ELK3: variants seen among roughly 807,000 people sequenced by gnomAD.
ELK3 encodes the protein ETS transcription factor ELK3.
In ELK3, 10 loss-of-function variants were observed where a neutral mutation model predicts 28.9. The observed-to-expected ratio is 0.35, with a 90% CI of 0.21 to 0.59. ELK3 has a LOEUF of 0.59. Among genes scored for constraint, ELK3 ranks in the 20% least tolerant of loss-of-function variants. The pLI, the probability that ELK3 is intolerant of heterozygous loss-of-function variation, is 0.82. For missense variants in ELK3, 463 were observed against 517.3 expected (o/e 0.90, Z 1.02); for synonymous variants, 272 against 243.5 (o/e 1.12, Z -1.09).
intron 1 of ELK3, among the ~76,000 whole-genome samples, chr12:96,220,103 T>G (rs1444324639): frequency 1.3e-5 from 2 of 152,210 alleles, no homozygotes; most frequent in Non-Finnish European, 2.9e-5. Flanking sequence ...TTTCTGTGAT[T>G]CCTAGTGAAC....
intron 3 of ELK3, among the ~76,000 whole-genome samples, chr12:96,249,803 G>A (rs779045231): frequency 2.0e-4 from 31 of 152,338 alleles, no homozygotes; most frequent in African/African-American, 6.7e-4. Context: ...GGCTGAGGGC[G>A]TGAGAGAAGG....
intron 1 of ELK3, among the ~76,000 whole-genome samples, chr12:96,218,103 A>G (rs997613598): frequency 1.3e-5 from 2 of 152,124 alleles, no homozygotes; most frequent in Non-Finnish European, 2.9e-5. Context: ...ACAAAGGGAA[A>G]GGAGTTGGGG....
chr12:96,244,114 A>T (rs1200142544), intron 2 of ELK3, among the ~76,000 whole-genome samples: 4 of 152,052 alleles, frequency 2.6e-5, no homozygotes, highest in Non-Finnish European at 5.9e-5. Context: ...TTCTTACTAT[A>T]GTCTAGTAAT....
chr12:96,258,070 A>G (rs1565792536), intron 3 of ELK3, among the ~76,000 whole-genome samples: 1 of 152,128 alleles, frequency 6.6e-6, no homozygotes, highest in East Asian at 1.9e-4. Flanking sequence ...GGGCATTTTT[A>G]TTCTCCCCAT....
At chr12:96,194,747 AGTTT>A (rs1338287564) in intron 1 of ELK3, 42 bp downstream of exon 1, 6 of 140,942 alleles carry the variant, frequency 4.3e-5, no homozygotes, top group Admixed American at 7.2e-5. Context: ...ACACTTAAAA[AGTTT>A]GTTTGGGGGT....
In ELK3 at chr12:96,246,970, T is replaced by C; in HGVS notation, c.238T>C (p.Phe80Leu). 6.2e-7 allele frequency: 1 copy of C among 1,605,162 alleles called. No homozygotes were observed. The highest frequency in any genetic ancestry group is 8.5e-7 in the Non-Finnish European group (1 of 1,175,126). The change falls in exon 3 of 5, where the codon TTT becomes CTT. Residue 80 changes from phenylalanine to leucine, a missense_variant. Phe to Leu is a conservative substitution (Grantham distance 22). Around this residue, in one of 2 missense-constraint regions of ELK3, gnomAD observed 55 missense variants for 102.5 expected, o/e 0.54. Coordinates refer to ENST00000228741, the MANE Select transcript of ELK3 (RefSeq NM_005230.4). ...NIIKKVIGQKFVYKFVSFPEI... is the reference protein window; with the variant it reads ...NIIKKVIGQKLVYKFVSFPEI... ...CATCAAGAAGGTGATCGGGCAGAAG[T>C]TTGTGTACAAGTTTGTCTCTTTCCC...
intron 2 of ELK3, among the ~76,000 whole-genome samples, chr12:96,240,108 A>G (rs1045501286): frequency 8.5e-5 from 13 of 152,120 alleles, no homozygotes; most frequent in African/African-American, 3.1e-4. Context: ...CCTTGTATCT[A>G]TTTCTTGTCT....
At chr12:96,212,250 C>T (rs934442322) in intron 1 of ELK3, among the ~76,000 whole-genome samples, 68 of 152,118 alleles carry the variant, frequency 4.5e-4, no homozygotes, top group Admixed American at 3.7e-3. Flanking sequence ...AACTGCGGGA[C>T]GTGCTTCAAG....
chr12:96,258,561 T>G (rs2137041454), intron 3 of ELK3, among the ~76,000 whole-genome samples: 1 of 152,336 alleles, frequency 6.6e-6, no homozygotes, highest in Middle Eastern at 3.4e-3. Flanking sequence ...TTTGCTGTGG[T>G]TCTTCTTACA....
chr12:96,265,188 T>C (rs1952020911), intron 4 of ELK3, among the ~76,000 whole-genome samples: 1 of 152,124 alleles, frequency 6.6e-6, no homozygotes, highest in Non-Finnish European at 1.5e-5. Context: ...GGGAGTGTCA[T>C]GGGAGAAGAG....
At chr12:96,223,887 G>A (rs1465047846) in intron 2 of ELK3, 114 bp downstream of exon 2, 1 of 1,079,872 alleles carries the variant, frequency 9.3e-7, no homozygotes, top group South Asian at 1.5e-5. Flanking sequence ...AAATAAAATA[G>A]GGGCAGTGCA....
Position 96,267,121 on chromosome 12 carries a change from C to T in ELK3, c.1165C>T (p.Pro389Ser), listed in dbSNP as rs777371931. The change falls in exon 5 of 5, where the codon CCC (proline) becomes TCC (serine). Residue 389 changes from proline (P) to serine (S), a missense_variant. Transcript: ENST00000228741. ...LLNGHMPVPI[P>S]SLDRAASPVL... ...TAATGGCCACATGCCAGTGCCAATC[C>T]CCAGTCTGGACAGAGCTGCTTCTCC... The T allele has an allele frequency of 6.2e-7, 1 of 1,613,660 alleles. No individual in the cohort carries two copies. Among genetic ancestry groups the T allele is most frequent in the Non-Finnish European group, 8.5e-7 (1 of 1,179,824 alleles).
At chr12:96,261,918 T>A (rs957674284) in intron 4 of ELK3, among the ~76,000 whole-genome samples, 18 of 152,140 alleles carry the variant, frequency 1.2e-4, no homozygotes, top group African/African-American at 3.1e-4. Flanking sequence ...AAAGTTAGCA[T>A]GCAAAATAAT....
intron 1 of ELK3, among the ~76,000 whole-genome samples, chr12:96,213,450 CAT>C (rs1834707565): frequency 6.6e-6 from 1 of 152,144 alleles, no homozygotes; most frequent in Non-Finnish European, 1.5e-5. Context: ...TGTAGGATAA[CAT>C]AGGGCTGGGT....
rs1951871014 is a variant in ELK3, at chr12:96,247,850, C to T, written c.1002+116C>T. 1.3e-5 allele frequency: 16 copies of T among 1,256,494 alleles called. No homozygotes were observed. The highest frequency in any genetic ancestry group is 3.2e-5 in the South Asian group (2 of 62,352). The allele number at this position is 1,256,494 out of a possible 1,614,324, so 77.8% of individuals were successfully genotyped here. On this transcript the variant is annotated intron_variant, in intron 3 of 4. Transcript: ENST00000228741. This position sits in a 1 kb window ranked among gnomAD's most constrained non-coding sequence, Gnocchi z 5.5. ...CAAAACGTTGTCCTATGACTCGTACCGAGGTCACTGTGTAAATGTGAAGGG... is the reference window on the plus strand; with the variant it reads ...CAAAACGTTGTCCTATGACTCGTACTGAGGTCACTGTGTAAATGTGAAGGG...
intron 3 of ELK3, among the ~76,000 whole-genome samples, chr12:96,250,544 C>T (rs1388388596): frequency 6.6e-6 from 1 of 152,218 alleles, no homozygotes; most frequent in African/African-American, 2.4e-5. Context: ...AGTTTGTCTT[C>T]CAGGTGACAG....
chr12:96,247,023 G>A lies in ELK3; in HGVS notation c.291G>A (p.Ala97=), dbSNP rs200818787. The A allele has an allele frequency of 6.8e-6, 11 of 1,614,162 alleles. No homozygotes were observed. The highest frequency in any genetic ancestry group is 1.6e-4 in the Middle Eastern group (1 of 6,062). The change falls in exon 3 of 5, where the codon GCG becomes GCA. Residue 97 remains alanine (A), a synonymous_variant. Transcript: ENST00000228741. This position sits in a 1 kb window ranked among gnomAD's most constrained non-coding sequence, Gnocchi z 5.5. ...AGATCCTGAAGATGGATCCTCACGC[G>A]GTGGAGATCAGCCGGGAGAGCCTTC... The part of the protein sequence containing the change: ...FPEILKMDPH[A]VEISRESLLL...
chr12:96,264,012 T>TG (rs1451658794), intron 4 of ELK3, among the ~76,000 whole-genome samples: 3 of 152,210 alleles, frequency 2.0e-5, no homozygotes, highest in Admixed American at 6.5e-5. Flanking sequence ...GAGCTCGCTG[T>TG]GCTGCCCAGG....
rs563858865 is a variant in ELK3 at position 96,226,679 on chromosome 12, T to G, written c.207+2906T>G. Among the ~76,000 whole-genome samples the G allele has an allele frequency of 2.7e-4, 40 of 150,336 alleles. No individual in the cohort carries two copies. The South Asian group carries it at 7.5e-3, about 28-fold the overall frequency. On this transcript the variant is annotated intron_variant, in intron 2 of 4. Coordinates refer to ENST00000228741, the MANE Select transcript of ELK3 (RefSeq NM_005230.4). ...ACATGCACACGTGGCCACTGCCATATGCACAGACATGTGCACACGCATACA... is the reference window on the plus strand; with the variant it reads ...ACATGCACACGTGGCCACTGCCATAGGCACAGACATGTGCACACGCATACA...
Sources: gnomAD v4.1 joint callset for allele counts (sites outside exome capture counted in the v4.1 genomes callset) on GRCh38, gnomAD v4.1.1 for gene constraint, gnomAD v4.1.1 regional missense constraint, Gnocchi (gnomAD v3.1) non-coding constraint, MANE v1.5 for transcripts, NCBI Gene and HGNC (gene_info 2026-07-23, HGNC 2026-07-21) for gene names.